Variants in DCUN1D5 observed in about 807,000 individuals in gnomAD.
DCUN1D5 encodes the protein defective in cullin neddylation 1 domain containing 5.
DCUN1D5 carries 10 observed loss-of-function variants against 38.3 expected under a neutral mutation model. That is an observed-to-expected ratio of 0.26 (90% CI 0.16 to 0.44). The LOEUF (loss-of-function observed/expected upper bound fraction) is 0.44, where lower values mean the gene tolerates loss of function less well. Ranked by LOEUF, DCUN1D5 falls within the 20% of genes least tolerant of loss-of-function variation. The pLI, the probability that DCUN1D5 is intolerant of heterozygous loss-of-function variation, is 1.00. For missense variants in DCUN1D5, 148 were observed against 275.3 expected (o/e 0.54, Z 3.27); for synonymous variants, 93 against 90.9 (o/e 1.02, Z -0.13).
At chr11:103,090,164 CTAA>C (rs1862821567) in intron 1 of DCUN1D5, among the ~76,000 whole-genome samples, 1 of 152,054 alleles carries the variant, frequency 6.6e-6, no homozygotes, top group Non-Finnish European at 1.5e-5. Flanking sequence ...CACCTGAGTT[CTAA>C]TAATACTGCC....
intron 2 of DCUN1D5, among the ~76,000 whole-genome samples, chr11:103,088,738 T>C (rs555458142): frequency 6.6e-6 from 1 of 152,356 alleles, no homozygotes; most frequent in South Asian, 2.1e-4. Flanking sequence ...TAAATGATAA[T>C]TGTTAAAAAG....
At chr11:103,080,888 C>T (rs759804053) in intron 4 of DCUN1D5, among the ~76,000 whole-genome samples, 2 of 151,832 alleles carry the variant, frequency 1.3e-5, no homozygotes, top group South Asian at 2.1e-4. Context: ...GGCACACGCC[C>T]GTAGTCCCAG....
Position 103,065,411 on chromosome 11 carries a change from C to T in DCUN1D5, c.555+858G>A, listed in dbSNP as rs928806216. ...GCCTCAAGTGATCTGCCTGCCTTGG[C>T]CTCCCAACGTGCTGGGATTACAGGC... On this transcript the variant is annotated intron_variant, in intron 6 of 7. Transcript: ENST00000260247. This position sits in a 1 kb window ranked among gnomAD's most constrained non-coding sequence, Gnocchi z 4.6. Among the ~76,000 whole-genome samples, 14 of 152,326 alleles carry T rather than the reference C, an allele frequency of 9.2e-5. No individual in the cohort carries two copies. The highest frequency in any genetic ancestry group is 1.3e-4 in the Non-Finnish European group (9 of 68,032).
chr11:103,082,485 T>C (rs1040688467), intron 4 of DCUN1D5, among the ~76,000 whole-genome samples: 7 of 152,090 alleles, frequency 4.6e-5, no homozygotes, highest in African/African-American at 7.2e-5. Flanking sequence ...TCTTTGATCA[T>C]AGACTTTTAA....
chr11:103,092,136 G>T lies in DCUN1D5; in HGVS notation c.-264C>A. On this transcript the variant is annotated 5_prime_UTR_variant, in exon 1 of 8. Transcript: ENST00000260247. The stretch of plus-strand genomic sequence containing the variant: ...CGGGAGGAGATAACGCGGACAGCGC[G>T]GCAGCTCCACCAGTCACAGCAAGCA... 2.3e-6 allele frequency: 1 copy of T among 437,248 alleles called. No homozygotes were observed. The highest frequency in any genetic ancestry group is 4.1e-6 in the Non-Finnish European group (1 of 244,348). 27.1% of individuals were successfully genotyped at this position (437,248 alleles called of 1,614,324 possible). A position where few individuals can be genotyped will look rare whatever the true frequency, so the allele number is the denominator to read the frequency against.
Position 103,066,515 on chromosome 11 carries a change from A to C in DCUN1D5, c.394T>G (p.Leu132Val). ...QNKFDFLRSQ[L>V]NDISSFKNIY... ...TTCTTAAATGACGAAATATCATTCA[A>C]CTGTGAGCGCAAAAAGTCAAATTTG... is the stretch of plus-strand genomic sequence containing the variant. Residue 132 changes from leucine to valine, a missense_variant, in exon 5 of 8, where the codon TTG becomes GTG. Transcript: ENST00000260247. The surrounding 1 kb of genome is among the most constrained non-coding windows in gnomAD (Gnocchi z 4.7). 1 of 1,612,970 alleles carries C rather than the reference A, an allele frequency of 6.2e-7. No homozygotes were observed. Among genetic ancestry groups the C allele is most frequent in the Non-Finnish European group, 8.5e-7 (1 of 1,179,434 alleles).
intron 2 of DCUN1D5, among the ~76,000 whole-genome samples, chr11:103,084,130 C>G (rs1862638309): frequency 6.6e-6 from 1 of 152,158 alleles, no homozygotes; most frequent in African/African-American, 2.4e-5. Context: ...ATTACATCAT[C>G]ACTAGGTCTC....
At position 103,060,326 on chromosome 11, in the gene DCUN1D5, T is replaced by G. The variant is rs1861982418; in HGVS notation, c.*2033A>C. 6.6e-6 allele frequency among the ~76,000 whole-genome samples: 1 copy of G among 152,178 alleles called. No homozygotes were observed. The highest frequency in any genetic ancestry group is 2.1e-4 in the South Asian group (1 of 4,830). On this transcript the variant is annotated 3_prime_UTR_variant, in exon 8 of 8. Coordinates refer to ENST00000260247, the MANE Select transcript of DCUN1D5 (RefSeq NM_032299.4). ...AGACTCAAAAAGTCTTAAAGGTATC[T>G]TTGGATAAGTATGCAAAGTAAATAC...
At chr11:103,082,617 C>G (rs1186075902) in intron 4 of DCUN1D5, 131 bp downstream of exon 4, 2 of 656,838 alleles carry the variant, frequency 3.0e-6, no homozygotes, top group Non-Finnish European at 5.2e-6. Context: ...TTTCAATCCC[C>G]AAACTAATTG....
Position 103,063,290 on chromosome 11 carries a change from T to A in DCUN1D5, c.659-876A>T, listed in dbSNP as rs1011172825. ...AAAGGTACAGTTTTGTCAGACTTTT[T>A]AAATTTTTCCAACAAATCTAAATGT... On this transcript the variant is annotated intron_variant, in intron 7 of 7. Transcript: ENST00000260247. This position sits in a 1 kb window ranked among gnomAD's most constrained non-coding sequence, Gnocchi z 4.6. Among the ~76,000 whole-genome samples, 3 of 152,166 alleles carry A rather than the reference T, an allele frequency of 2.0e-5. No individual in the cohort carries two copies. The highest frequency in any genetic ancestry group is 4.8e-5 in the African/African-American group (2 of 41,454).
At chr11:103,089,432 G>A (rs1286100687) in intron 1 of DCUN1D5, 114 bp from the exon 2 acceptor site, 3 of 868,840 alleles carry the variant, frequency 3.5e-6, no homozygotes, top group African/African-American at 1.8e-5. Flanking sequence ...TTTTTTCTTC[G>A]GTTGGCATTG....
In DCUN1D5 at chr11:103,053,611, ACATT is replaced by A. The variant is rs1468413239; in HGVS notation, c.*8744_*8747del. 6.6e-6 allele frequency: 1 copy of A among 152,058 alleles called. No homozygotes were observed. The highest frequency in any genetic ancestry group is 1.5e-5 in the Non-Finnish European group (1 of 67,946). The allele number at this position is 152,058 out of a possible 1,614,324, so 9.4% of individuals were successfully genotyped here. On this transcript the variant is annotated 3_prime_UTR_variant, in exon 8 of 8. Coordinates refer to ENST00000260247, the MANE Select transcript of DCUN1D5 (RefSeq NM_032299.4). This position sits in a 1 kb window ranked among gnomAD's most constrained non-coding sequence, Gnocchi z 4.8. ...TATCACATGTACCCCCCAAATAAATACATTATGTATCAATGAATTTTAATTATAT... is the reference window on the plus strand; with the variant it reads ...TATCACATGTACCCCCCAAATAAATAATGTATCAATGAATTTTAATTATAT...
rs1228745248 is a variant in DCUN1D5 at position 103,065,541 on chromosome 11, C to A, written c.555+728G>T. ...CAATGTGCTTTATGAGAAATTATTT[C>A]CAAAGGAAAAAGCATCTGTATTCAA... On this transcript the variant is annotated intron_variant, in intron 6 of 7. Transcript: ENST00000260247. This position sits in a 1 kb window ranked among gnomAD's most constrained non-coding sequence, Gnocchi z 4.6. Among the ~76,000 whole-genome samples, 1 of 151,728 alleles carries A rather than the reference C, an allele frequency of 6.6e-6. No homozygotes were observed. Among genetic ancestry groups the A allele is most frequent in the Non-Finnish European group, 1.5e-5 (1 of 67,948 alleles).
At position 103,086,011 on chromosome 11, in the gene DCUN1D5, C is replaced by T. The variant is rs888423726; in HGVS notation, c.179-2685G>A. On this transcript the variant is annotated intron_variant, in intron 2 of 7. Coordinates refer to ENST00000260247, the MANE Select transcript of DCUN1D5 (RefSeq NM_032299.4). The surrounding 1 kb of genome is among the most constrained non-coding windows in gnomAD (Gnocchi z 4.1). ...TCAAGAATGAGGTCTTGTGAAAGAA[C>T]AAAACCAACAGCCTTATCACACATA... Among the ~76,000 whole-genome samples, 14 of 152,074 alleles carry T rather than the reference C, an allele frequency of 9.2e-5. No homozygotes were observed. Among genetic ancestry groups the T allele is most frequent in the African/African-American group, 2.7e-4 (11 of 41,390 alleles).
chr11:103,084,953 C>T (rs1862662909), intron 2 of DCUN1D5, among the ~76,000 whole-genome samples: 1 of 151,954 alleles, frequency 6.6e-6, no homozygotes. Flanking sequence ...CGCCATTGTA[C>T]TCCAGCCTGG....
chr11:103,068,926 G>A (rs1040847673), intron 4 of DCUN1D5, among the ~76,000 whole-genome samples: 1 of 152,114 alleles, frequency 6.6e-6, no homozygotes, highest in South Asian at 2.1e-4. Flanking sequence ...GACAAGAACT[G>A]TTTTGAAGGA....
In DCUN1D5 at chr11:103,065,241, T is replaced by G. The variant is rs1324709165; in HGVS notation, c.556-864A>C. Among the ~76,000 whole-genome samples, 2 of 151,556 alleles carry G rather than the reference T, an allele frequency of 1.3e-5. No homozygotes were observed. Among genetic ancestry groups the G allele is most frequent in the Admixed American group, 6.6e-5 (1 of 15,166 alleles). ...ATCTCAGCTTACTGCAACCTCCACCTCCCTGGTTCAAGCAATTCTCGTGCC... is the reference window on the plus strand; with the variant it reads ...ATCTCAGCTTACTGCAACCTCCACCGCCCTGGTTCAAGCAATTCTCGTGCC... On this transcript the variant is annotated intron_variant, in intron 6 of 7. Transcript: ENST00000260247. The surrounding 1 kb of genome is among the most constrained non-coding windows in gnomAD (Gnocchi z 4.6).
chr11:103,072,343 T>A (rs111285411), intron 4 of DCUN1D5, among the ~76,000 whole-genome samples: 61 of 82,670 alleles, frequency 7.4e-4, no homozygotes, highest in Non-Finnish European at 1.4e-3. Flanking sequence ...TAGAACTAGA[T>A]CTAGATCTAG....
In DCUN1D5 at chr11:103,053,211, C is replaced by T. The variant is rs1233025387; in HGVS notation, c.*9148G>A. 2 of 152,036 alleles carry T rather than the reference C, an allele frequency of 1.3e-5. No individual in the cohort carries two copies. The highest frequency in any genetic ancestry group is 2.1e-4 in the South Asian group (1 of 4,832). 9.4% of individuals were successfully genotyped at this position (152,036 alleles called of 1,614,324 possible). ...CCACTTTTAAAGACAGCCATAGTAGCTATGTTACTGAGCATTTATTACTTG... is the reference window on the plus strand; with the variant it reads ...CCACTTTTAAAGACAGCCATAGTAGTTATGTTACTGAGCATTTATTACTTG... On this transcript the variant is annotated 3_prime_UTR_variant, in exon 8 of 8. Coordinates refer to ENST00000260247, the MANE Select transcript of DCUN1D5 (RefSeq NM_032299.4). This position sits in a 1 kb window ranked among gnomAD's most constrained non-coding sequence, Gnocchi z 4.8.
Sources: allele counts gnomAD v4.1 joint callset (sites outside exome capture counted in the v4.1 genomes callset), GRCh38; gene constraint gnomAD v4.1.1; non-coding constraint Gnocchi (gnomAD v3.1); transcripts MANE v1.5; gene names NCBI Gene and HGNC (gene_info 2026-07-23, HGNC 2026-07-21).